LRRK1: variants seen among roughly 807,000 people sequenced by gnomAD.
LRRK1 encodes leucine-rich repeat serine/threonine-protein kinase 1.
Under a neutral mutation model 209.1 loss-of-function variants are expected in LRRK1, and 113 were observed. That is an observed-to-expected ratio of 0.54 (90% CI 0.46 to 0.63). The LOEUF is 0.63. Among genes scored for constraint, LRRK1 ranks in the 30% least tolerant of loss-of-function variants. The probability of loss-of-function intolerance (pLI) is 0.00; values close to 1 mark genes in which losing one functional copy is unlikely to be tolerated. For missense variants in LRRK1, 2,284 were observed against 2,632.2 expected (o/e 0.87, Z 2.89); for synonymous variants, 1,144 against 1,099.7 (o/e 1.04, Z -0.80).
intron 2 of LRRK1, among the ~76,000 whole-genome samples, chr15:100,942,902 G>A (rs1194133185): frequency 3.3e-5 from 5 of 152,154 alleles, no homozygotes; most frequent in Admixed American, 2.0e-4. Flanking sequence ...CGGCCTCCAT[G>A]TCCATGCTGA....
chr15:100,947,467 T>A (rs2042565016), intron 2 of LRRK1, among the ~76,000 whole-genome samples: 1 of 152,196 alleles, frequency 6.6e-6, no homozygotes, highest in Non-Finnish European at 1.5e-5. Context: ...AAGACTATCG[T>A]TTTGTTCTAC....
At chr15:100,988,882 G>C (rs1458707125) in intron 5 of LRRK1, 69 bp downstream of exon 5, 12 of 1,298,128 alleles carry the variant, frequency 9.2e-6, no homozygotes, top group African/African-American at 1.5e-5. Flanking sequence ...ATGTGGGACT[G>C]TGTCTTTATT....
At chr15:101,042,205 G>A (rs2034795278) in intron 20 of LRRK1, among the ~76,000 whole-genome samples, 1 of 152,162 alleles carries the variant, frequency 6.6e-6, no homozygotes, top group African/African-American at 2.4e-5. Flanking sequence ...TAAGTCTGAT[G>A]GAAACAAATT....
Position 101,048,502 on chromosome 15 carries a change from A to C in LRRK1, c.3144A>C (p.Glu1048Asp). Residue 1048 changes from glutamate (E) to aspartate (D), a missense_variant, in exon 22 of 34, where the codon GAA becomes GAC. By Grantham distance (45) the Glu-to-Asp change is conservative (BLOSUM62 2). Around this residue, in one of 6 missense-constraint regions of LRRK1, gnomAD observed 780 missense variants for 985.2 expected, o/e 0.79. Coordinates refer to ENST00000388948, the MANE Select transcript of LRRK1 (RefSeq NM_024652.6). ...SLAEMDLQLF[E>D]NKKNTKSRNR... ...TTTTCTCTGTCTTTCAGCTTTTTGAAAACAAGAAGAATACTAAAAGCAGGA... is the reference window on the plus strand; with the variant it reads ...TTTTCTCTGTCTTTCAGCTTTTTGACAACAAGAAGAATACTAAAAGCAGGA... 1 of 1,599,698 alleles carries C rather than the reference A, an allele frequency of 6.3e-7. No individual in the cohort carries two copies. Among genetic ancestry groups the C allele is most frequent in the South Asian group, 1.1e-5 (1 of 88,384 alleles).
intron 12 of LRRK1, among the ~76,000 whole-genome samples, chr15:101,020,346 C>G (rs1201577011): frequency 6.6e-6 from 1 of 150,910 alleles, no homozygotes; most frequent in African/African-American, 2.4e-5. Context: ...CACTAATAAG[C>G]CTTCTAGATA....
chr15:101,057,573 G>A (rs1159192171), intron 28 of LRRK1, among the ~76,000 whole-genome samples: 1 of 152,192 alleles, frequency 6.6e-6, no homozygotes, highest in Admixed American at 6.5e-5. Context: ...CCTTATCTGG[G>A]CATGGTGACA....
intron 12 of LRRK1, among the ~76,000 whole-genome samples, chr15:101,019,646 A>G (rs1029446280): frequency 3.9e-5 from 6 of 152,192 alleles, no homozygotes; most frequent in Non-Finnish European, 7.3e-5. Context: ...CGGGGTAGCT[A>G]TGATCAAGGG....
At position 100,959,581 on chromosome 15, in the gene LRRK1, T is replaced by C. The variant is rs185914860; in HGVS notation, c.98-14223T>C. On this transcript the variant is annotated intron_variant, in intron 2 of 33. Coordinates refer to ENST00000388948, the MANE Select transcript of LRRK1 (RefSeq NM_024652.6). ...AGGGAAGCTTGGTCCATAGAGGAAA[T>C]GAGAGTGCAGTCTGGCAGCCTCACA... is the stretch of plus-strand genomic sequence containing the variant. Among the ~76,000 whole-genome samples, 3 of 152,144 alleles carry C rather than the reference T, an allele frequency of 2.0e-5. No individual in the cohort carries two copies. The East Asian group carries it at 5.8e-4, about 29-fold the overall frequency.
intron 6 of LRRK1, among the ~76,000 whole-genome samples, chr15:101,005,429 G>A (rs77497708): frequency 0.05 from 7,579 of 152,170 alleles, 229 homozygotes; most frequent in Middle Eastern, 0.071. Context: ...TGATACAGTC[G>A]TGAATTGTGG....
intron 31 of LRRK1, among the ~76,000 whole-genome samples, chr15:101,063,587 C>T (rs1263269576): frequency 6.6e-6 from 1 of 152,198 alleles, no homozygotes; most frequent in Non-Finnish European, 1.5e-5. Context: ...CATAGGCGCC[C>T]TCACTAAATG....
At chr15:101,010,409 C>G (rs1423951306) in intron 7 of LRRK1, 41 bp from the exon 8 acceptor site, 1 of 1,577,374 alleles carries the variant, frequency 6.3e-7, no homozygotes, top group African/African-American at 1.4e-5. Context: ...GGTGTTTTCC[C>G]TCTTTATTCT....
Position 101,055,238 on chromosome 15 carries a change from C to T in LRRK1, c.4332+15C>T, listed in dbSNP as rs768075110. 7 of 1,527,666 alleles carry T rather than the reference C, an allele frequency of 4.6e-6. No individual in the cohort carries two copies. The highest frequency in any genetic ancestry group is 1.8e-4 in the Middle Eastern group (1 of 5,646). 94.6% of individuals were successfully genotyped at this position (1,527,666 alleles called of 1,614,324 possible). ...ATGATGAGAAGGTACGTGCCTGGAT[C>T]CCCTGGCCCAGCCCCACAGTGTAGG... On this transcript the variant is annotated intron_variant, in intron 27 of 33. Transcript: ENST00000388948.
rs1200436785 is a variant in LRRK1 at position 101,074,698 on chromosome 15, G to A, written c.*5850G>A. On this transcript the variant is annotated 3_prime_UTR_variant, in exon 34 of 34. Transcript: ENST00000388948. ...TAATAGAAAAAAGTTGCAATTCCTTGCCTCCACTGTGAGACAAACCCCAGC... is the reference window on the plus strand; with the variant it reads ...TAATAGAAAAAAGTTGCAATTCCTTACCTCCACTGTGAGACAAACCCCAGC... The A allele has an allele frequency of 6.6e-6, 1 of 152,018 alleles. No individual in the cohort carries two copies. Among genetic ancestry groups the A allele is most frequent in the Admixed American group, 6.6e-5 (1 of 15,262 alleles). 9.4% of individuals were successfully genotyped at this position (152,018 alleles called of 1,614,324 possible). A position where few individuals can be genotyped will look rare whatever the true frequency, so the allele number is the denominator to read the frequency against.
intron 20 of LRRK1, among the ~76,000 whole-genome samples, chr15:101,042,366 G>T (rs1197537774): frequency 6.6e-6 from 1 of 151,956 alleles, no homozygotes; most frequent in African/African-American, 2.4e-5. Context: ...GGGCAGACAG[G>T]GGTCCTCCTC....
At chr15:101,052,892 G>T (rs761222910) in intron 24 of LRRK1, 30 bp from the exon 25 acceptor site, 3 of 1,596,122 alleles carry the variant, frequency 1.9e-6, no homozygotes, top group South Asian at 1.1e-5. Flanking sequence ...GGGCGGGGGG[G>T]ATGTGGCTGA....
At chr15:101,017,728 C>G (rs898777075) in intron 12 of LRRK1, among the ~76,000 whole-genome samples, 2 of 152,088 alleles carry the variant, frequency 1.3e-5, no homozygotes, top group Admixed American at 1.3e-4. Context: ...GAAAAATTGT[C>G]TTCCACAAAA....
At chr15:100,939,857 T>G (rs2042368018) in intron 2 of LRRK1, among the ~76,000 whole-genome samples, 1 of 152,252 alleles carries the variant, frequency 6.6e-6, no homozygotes. Flanking sequence ...TAGCACCTTT[T>G]GAAGGCGGCC....
chr15:100,941,368 C>CTGTG (rs2042415616), intron 2 of LRRK1, among the ~76,000 whole-genome samples: 1 of 26,120 alleles, frequency 3.8e-5, no homozygotes, highest in African/African-American at 2.3e-4. Flanking sequence ...GTGTGTGTGC[C>CTGTG]TGTATGTGTG....
chr15:101,045,825 CTAA>C (rs1481907212), intron 20 of LRRK1, among the ~76,000 whole-genome samples, 153 bp from the exon 21 acceptor site: 1 of 152,194 alleles, frequency 6.6e-6, no homozygotes, highest in African/African-American at 2.4e-5. Flanking sequence ...GCTTCTCTTA[CTAA>C]TAACAGAATT....
Sources: allele counts gnomAD v4.1 joint callset (sites outside exome capture counted in the v4.1 genomes callset), GRCh38; gene constraint gnomAD v4.1.1; regional missense constraint gnomAD v4.1.1; transcripts MANE v1.5; gene names NCBI Gene and HGNC (gene_info 2026-07-23, HGNC 2026-07-21).